Variants in AHCYL2 observed in about 807,000 individuals in gnomAD.
AHCYL2 encodes adenosylhomocysteinase like 2, also known as S-adenosylhomocysteine hydrolase-like protein 2.
AHCYL2 carries 28 observed loss-of-function variants against 81.4 expected under a neutral mutation model. The ratio of observed to expected loss-of-function variants is 0.34; its 90% confidence interval spans 0.25 to 0.47. AHCYL2 has a LOEUF of 0.47. AHCYL2 is among the 20% of genes least tolerant of loss of function. The pLI is 1.00. For synonymous variants in AHCYL2, 272 were observed against 290.2 expected (o/e 0.94, Z 0.64); for missense variants, 551 against 785.1 (o/e 0.70, Z 3.56).
chr7:129,358,158 C>T (rs920409653), intron 1 of AHCYL2, among the ~76,000 whole-genome samples: 8 of 151,848 alleles, frequency 5.3e-5, no homozygotes, highest in Non-Finnish European at 1.2e-4. Flanking sequence ...CTTTGGGAGG[C>T]CGAGGTGGGC....
chr7:129,350,731 T>TA (rs1793531489), intron 1 of AHCYL2, among the ~76,000 whole-genome samples: 1 of 106,056 alleles, frequency 9.4e-6, no homozygotes, highest in Admixed American at 9.3e-5. Context: ...TTTTTTTTTT[T>TA]ATCTTTTAGG....
chr7:129,424,846 C>T (rs770329956), intron 13 of AHCYL2, 28 bp from the exon 14 acceptor site: 1 of 1,611,616 alleles, frequency 6.2e-7, no homozygotes, highest in East Asian at 2.2e-5. Context: ...TGTCCTAATC[C>T]ATTTGTGTCT....
At chr7:129,330,583 G>A (rs1798383490) in intron 1 of AHCYL2, among the ~76,000 whole-genome samples, 1 of 149,796 alleles carries the variant, frequency 6.7e-6, no homozygotes, top group Admixed American at 6.8e-5. Flanking sequence ...CCATTCTCCT[G>A]TCTCAGCCTC....
At chr7:129,275,404 A>G (rs145376778) in intron 1 of AHCYL2, among the ~76,000 whole-genome samples, 3,062 of 152,246 alleles carry the variant, frequency 0.02, 57 homozygotes, top group Admixed American at 0.057. Flanking sequence ...CTTGTCTCCA[A>G]AAAATAAAAA....
intron 1 of AHCYL2, among the ~76,000 whole-genome samples, chr7:129,357,590 G>T (rs1793774865): frequency 6.6e-6 from 1 of 152,122 alleles, no homozygotes; most frequent in African/African-American, 2.4e-5. Context: ...CAAAAGACTT[G>T]AAAGACTCTT....
chr7:129,225,188 G>T lies in AHCYL2; in HGVS notation c.112G>T (p.Val38Leu). 6.4e-7 allele frequency: 1 copy of T among 1,570,706 alleles called. No homozygotes were observed. Among genetic ancestry groups the T allele is most frequent in the Non-Finnish European group, 8.6e-7 (1 of 1,163,680 alleles). ...ESQLGLSTAAVGAMAPPAGGG... is the reference protein window; with the variant it reads ...ESQLGLSTAALGAMAPPAGGG... ...GCAACTAGGACTGAGCACGGCCGCC[G>T]TGGGCGCCATGGCCCCCCCGGCGGG... The change falls in exon 1 of 17, where the codon GTG becomes TTG. Residue 38 changes from valine (V) to leucine (L), a missense_variant. This residue lies in a region of AHCYL2 where 235 missense variants were observed against 242.1 expected (regional missense o/e 0.97). Coordinates refer to ENST00000325006, the MANE Select transcript of AHCYL2 (RefSeq NM_015328.4).
chr7:129,246,040 A>G (rs562684385), intron 1 of AHCYL2, among the ~76,000 whole-genome samples: 5 of 151,896 alleles, frequency 3.3e-5, no homozygotes, highest in South Asian at 4.2e-4. Context: ...TCATCCTAAT[A>G]GGTGTGAAGT....
intron 12 of AHCYL2, among the ~76,000 whole-genome samples, chr7:129,420,477 C>CTT (rs11414828): frequency 0.021 from 2,702 of 126,788 alleles, 64 homozygotes; most frequent in African/African-American, 0.043. Flanking sequence ...TGCTTAAATT[C>CTT]TTTTTTTTTT....
intron 1 of AHCYL2, among the ~76,000 whole-genome samples, chr7:129,344,467 G>T (rs1268054644): frequency 6.6e-6 from 1 of 152,268 alleles, no homozygotes; most frequent in East Asian, 1.9e-4. Context: ...AACATTAAAT[G>T]AAAGAAGCTA....
At position 129,426,902 on chromosome 7, in the gene AHCYL2, G is replaced by T; in HGVS notation, c.1830-137G>T. The T allele has an allele frequency of 1.2e-6, 1 of 843,516 alleles. No individual in the cohort carries two copies. 52.3% of individuals were successfully genotyped at this position (843,516 alleles called of 1,614,324 possible). ...TGGCCTTTTTCAATGATGTGAAAAG[G>T]AAACACAGTTATTTCCTGTCACTGT... On this transcript the variant is annotated intron_variant, in intron 16 of 16. Transcript: ENST00000325006. This position sits in a 1 kb window ranked among gnomAD's most constrained non-coding sequence, Gnocchi z 4.3.
chr7:129,371,059 A>C (rs914951456), intron 1 of AHCYL2, among the ~76,000 whole-genome samples: 2 of 152,218 alleles, frequency 1.3e-5, no homozygotes, highest in East Asian at 3.8e-4. Context: ...ATGGATTTCC[A>C]GACCTTACTT....
Position 129,429,581 on chromosome 7 carries a change from T to G in AHCYL2, c.*2536T>G, listed in dbSNP as rs1019609337. 2.0e-5 allele frequency: 3 copies of G among 152,296 alleles called. No homozygotes were observed. The highest frequency in any genetic ancestry group is 4.4e-5 in the Non-Finnish European group (3 of 68,106). The allele number at this position is 152,296 out of a possible 1,614,324, so 9.4% of individuals were successfully genotyped here. ...GGTTTCACTATGTTGCCCAGGCTGG[T>G]CTCAAACTCCTGGGCTCAAGCAATC... On this transcript the variant is annotated 3_prime_UTR_variant, in exon 17 of 17. Transcript: ENST00000325006.
At chr7:129,228,148 A>G (rs559390852) in intron 1 of AHCYL2, among the ~76,000 whole-genome samples, 1 of 152,368 alleles carries the variant, frequency 6.6e-6, no homozygotes, top group South Asian at 2.1e-4. Flanking sequence ...TGAGAATACT[A>G]GTATTGAAAT....
chr7:129,410,457 T>C, intron 11 of AHCYL2: 1 of 1,267,596 alleles, frequency 7.9e-7, no homozygotes, highest in Non-Finnish European at 1.2e-6. Context: ...CTTAAATGTG[T>C]ACGTCATTCA....
At chr7:129,299,400 T>G (rs1459483567) in intron 1 of AHCYL2, among the ~76,000 whole-genome samples, 3 of 77,292 alleles carry the variant, frequency 3.9e-5, no homozygotes, top group Non-Finnish European at 7.0e-5. Flanking sequence ...TTTTTTTTTT[T>G]TTTTTTTTTT....
At chr7:129,269,126 TTCC>T (rs1795913503) in intron 1 of AHCYL2, among the ~76,000 whole-genome samples, 1 of 99,932 alleles carries the variant, frequency 1.0e-5, no homozygotes, top group Non-Finnish European at 1.9e-5. Context: ...TCCTAAATGA[TTCC>T]TGTTTTTTTT....
Position 129,389,093 on chromosome 7 carries a change from G to A in AHCYL2, c.513G>A (p.Ser171=), listed in dbSNP as rs770388020. 49 of 1,613,394 alleles carry A rather than the reference G, an allele frequency of 3.0e-5. No individual in the cohort carries two copies. The highest frequency in any genetic ancestry group is 1.5e-4 in the Admixed American group (9 of 59,934). ...CAGATAGCTCTGATGATGAGACATC[G>A]CCCAGGGACAAGCAGCAAAAGAACT... ...SYTDSSDDET[S]PRDKQQKNSK... Residue 171 remains serine (S), a synonymous_variant, in exon 3 of 17, where the codon TCG becomes TCA. Coordinates refer to ENST00000325006, the MANE Select transcript of AHCYL2 (RefSeq NM_015328.4).
intron 1 of AHCYL2, among the ~76,000 whole-genome samples, chr7:129,338,240 C>T (rs1423097505): frequency 2.0e-5 from 3 of 151,936 alleles, no homozygotes; most frequent in Non-Finnish European, 4.4e-5. Context: ...CCTAGAACTC[C>T]TTGGCTCAAG....
chr7:129,403,289 C>A, intron 6 of AHCYL2, 90 bp from the exon 7 acceptor site: 1 of 746,076 alleles, frequency 1.3e-6, no homozygotes, highest in Non-Finnish European at 2.1e-6. Context: ...CTGTAAATTG[C>A]TAATTAGATT....
Sources: gnomAD v4.1 joint callset for allele counts (sites outside exome capture counted in the v4.1 genomes callset) on GRCh38, gnomAD v4.1.1 for gene constraint, gnomAD v4.1.1 regional missense constraint, Gnocchi (gnomAD v3.1) non-coding constraint, MANE v1.5 for transcripts, NCBI Gene and HGNC (gene_info 2026-07-23, HGNC 2026-07-21) for gene names.